The following CHST11 variants were observed in gnomAD, a reference collection of about 807,000 sequenced individuals.
The protein encoded by CHST11 is carbohydrate sulfotransferase 11.
In CHST11, 9 loss-of-function variants were observed where a neutral mutation model predicts 30.4. The observed-to-expected ratio is 0.30, with a 90% CI of 0.18 to 0.52. CHST11 has a LOEUF of 0.52. Among genes scored for constraint, CHST11 ranks in the 20% least tolerant of loss-of-function variants. The pLI, the probability that CHST11 is intolerant of heterozygous loss-of-function variation, is 0.97. For missense variants in CHST11, 348 were observed against 460.6 expected (o/e 0.76, Z 2.24); for synonymous variants, 152 against 187.8 (o/e 0.81, Z 1.56).
chr12:104,457,648 T>G, intron 1 of CHST11, 119 bp downstream of exon 1: 2 of 779,564 alleles, frequency 2.6e-6, no homozygotes, highest in Non-Finnish European at 4.5e-6. Flanking sequence ...TCTTCGGGGC[T>G]CCTGGCTGCC....
Position 104,757,197 on chromosome 12 carries a change from G to A in CHST11, c.453G>A (p.Pro151=), listed in dbSNP as rs199516446. ...AGTACAGCGACCCCATGGAGATCCC[G>A]GCCAACGAGGCACACGTCTCCGCCA... ...RGKYSDPMEI[P]ANEAHVSANL... is the part of the protein sequence containing the mutation. The change falls in exon 3 of 3, where the codon CCG becomes CCA. Residue 151 remains proline, a synonymous_variant. Coordinates refer to ENST00000303694, the MANE Select transcript of CHST11 (RefSeq NM_018413.6). The surrounding 1 kb of genome is among the most constrained non-coding windows in gnomAD (Gnocchi z 6.5). The A allele has an allele frequency of 3.1e-4, 506 of 1,613,944 alleles. 1 individual carries two copies. Among genetic ancestry groups the A allele is most frequent in the Non-Finnish European group, 4.1e-4 (484 of 1,180,018 alleles).
intron 1 of CHST11, among the ~76,000 whole-genome samples, chr12:104,594,847 C>G (rs773716936): frequency 2.6e-5 from 4 of 152,168 alleles, no homozygotes; most frequent in Non-Finnish European, 5.9e-5. Context: ...GTCCCAGGCA[C>G]TGGGGAGGCT....
At chr12:104,621,299 A>G (rs2039156382) in intron 2 of CHST11, among the ~76,000 whole-genome samples, 1 of 152,182 alleles carries the variant, frequency 6.6e-6, no homozygotes, top group Admixed American at 6.5e-5. Context: ...AAACCCAGTC[A>G]AGGCGATGGG....
intron 1 of CHST11, among the ~76,000 whole-genome samples, chr12:104,473,345 C>G (rs2037528694): frequency 6.6e-6 from 1 of 152,174 alleles, no homozygotes; most frequent in Non-Finnish European, 1.5e-5. Flanking sequence ...AAATTTCAGT[C>G]TCTCAGTTGC....
At chr12:104,630,600 G>A (rs2039261233) in intron 2 of CHST11, among the ~76,000 whole-genome samples, 1 of 152,206 alleles carries the variant, frequency 6.6e-6, no homozygotes, top group Admixed American at 6.5e-5. Context: ...TCCCGAAAGG[G>A]AAACTGACAG....
intron 2 of CHST11, among the ~76,000 whole-genome samples, chr12:104,749,212 T>C (rs1161262454): frequency 1.3e-5 from 2 of 152,128 alleles, no homozygotes; most frequent in Non-Finnish European, 2.9e-5. Context: ...TCCAAGAATC[T>C]CCCTCCTGCA....
At chr12:104,461,600 T>G (rs1448732866) in intron 1 of CHST11, among the ~76,000 whole-genome samples, 1 of 152,210 alleles carries the variant, frequency 6.6e-6, no homozygotes. Flanking sequence ...TTGTTTGAAA[T>G]CTACTGTTCA....
intron 1 of CHST11, among the ~76,000 whole-genome samples, chr12:104,583,108 G>A (rs976276737): frequency 2.0e-5 from 3 of 152,070 alleles, no homozygotes; most frequent in African/African-American, 7.2e-5. Flanking sequence ...GTATACTGGG[G>A]CCATGCCTTC....
At chr12:104,501,127 G>A (rs2037849722) in intron 1 of CHST11, among the ~76,000 whole-genome samples, 1 of 152,134 alleles carries the variant, frequency 6.6e-6, no homozygotes, top group Admixed American at 6.5e-5. Flanking sequence ...AAAAGTGGAG[G>A]AGCTTTTCAG....
chr12:104,739,461 C>G (rs2040329112), intron 2 of CHST11, among the ~76,000 whole-genome samples: 1 of 152,160 alleles, frequency 6.6e-6, no homozygotes, highest in Admixed American at 6.5e-5. Context: ...ACCGTCATCC[C>G]CATTTTACAG....
rs1436895273 is a variant in CHST11, at chr12:104,546,836, T to C, written c.119-55070T>C. On this transcript the variant is annotated intron_variant, in intron 1 of 2. Transcript: ENST00000303694. ...CAGCCACGTGTGTACCCTTGGGCGG[T>C]TGGTACATGCTCAGGGCATGAGCCC... Among the ~76,000 whole-genome samples the C allele has an allele frequency of 2.0e-5, 3 of 152,170 alleles. 1 individual carries two copies. The highest frequency in any genetic ancestry group is 4.1e-4 in the South Asian group (2 of 4,830).
chr12:104,590,396 GT>G (rs2038846357), intron 1 of CHST11, among the ~76,000 whole-genome samples: 2 of 152,214 alleles, frequency 1.3e-5, no homozygotes, highest in African/African-American at 4.8e-5. Flanking sequence ...TTGGACTGGG[GT>G]GACTGTATTT....
At chr12:104,621,807 C>T (rs950909951) in intron 2 of CHST11, among the ~76,000 whole-genome samples, 1 of 152,204 alleles carries the variant, frequency 6.6e-6, no homozygotes, top group Admixed American at 6.5e-5. Context: ...GTTACAGCGG[C>T]AATAGAAAAC....
At chr12:104,609,469 C>A (rs936249137) in intron 2 of CHST11, among the ~76,000 whole-genome samples, 8 of 152,204 alleles carry the variant, frequency 5.3e-5, no homozygotes, top group Non-Finnish European at 8.8e-5. Flanking sequence ...CTAGTGGATT[C>A]ATTATTCTTG....
At chr12:104,565,603 C>A (rs61940026) in intron 1 of CHST11, among the ~76,000 whole-genome samples, 10,510 of 152,076 alleles carry the variant, frequency 0.069, 423 homozygotes, top group South Asian at 0.12. Flanking sequence ...TGAGTATTAA[C>A]CCATGGCTCA....
At chr12:104,663,409 A>G (rs986636893) in intron 2 of CHST11, among the ~76,000 whole-genome samples, 2 of 152,218 alleles carry the variant, frequency 1.3e-5, no homozygotes, top group Non-Finnish European at 2.9e-5. Flanking sequence ...TCAAATGAAT[A>G]AGGTAAAAAT....
At chr12:104,616,950 G>A (rs1455942593) in intron 2 of CHST11, among the ~76,000 whole-genome samples, 1 of 152,150 alleles carries the variant, frequency 6.6e-6, no homozygotes, top group African/African-American at 2.4e-5. Context: ...CTCTTGGAAG[G>A]TAGCATGCTT....
chr12:104,514,817 T>C (rs1246350741), intron 1 of CHST11, among the ~76,000 whole-genome samples: 1 of 152,196 alleles, frequency 6.6e-6, no homozygotes, highest in Non-Finnish European at 1.5e-5. Flanking sequence ...CTAGGCCCCA[T>C]GTCCAACATT....
chr12:104,517,771 G>A (rs149444405), intron 1 of CHST11, among the ~76,000 whole-genome samples: 254 of 152,314 alleles, frequency 1.7e-3, no homozygotes, highest in African/African-American at 5.9e-3. Flanking sequence ...ATGTGGAATC[G>A]GAGTGATAGA....
Sources: allele counts gnomAD v4.1 joint callset (sites outside exome capture counted in the v4.1 genomes callset), GRCh38; gene constraint gnomAD v4.1.1; non-coding constraint Gnocchi (gnomAD v3.1); transcripts MANE v1.5; gene names NCBI Gene and HGNC (gene_info 2026-07-23, HGNC 2026-07-21).